Variants in KAT2B observed in about 807,000 individuals in gnomAD.
KAT2B encodes lysine acetyltransferase 2B, also known as histone acetyltransferase KAT2B.
A neutral mutation model predicts 105.9 loss-of-function variants in KAT2B; 36 were observed. The observed-to-expected ratio is 0.34, with a 90% CI of 0.26 to 0.45. KAT2B has a LOEUF of 0.45. Ranked by LOEUF, KAT2B falls within the 20% of genes least tolerant of loss-of-function variation. The pLI is 1.00. For synonymous variants in KAT2B, 397 were observed against 377.9 expected, an observed-to-expected ratio of 1.05 and a Z score of -0.59; for missense variants, 820 against 1,021.6, an observed-to-expected ratio of 0.80 and a Z score of 2.69.
chr3:20,050,456 A>G (rs1697897397), intron 1 of KAT2B, among the ~76,000 whole-genome samples: 1 of 152,050 alleles, frequency 6.6e-6, no homozygotes, highest in South Asian at 2.1e-4. Context: ...ACTCCTGGTA[A>G]TCCTTATTCT....
chr3:20,131,887 A>G (rs937797416), intron 11 of KAT2B, among the ~76,000 whole-genome samples: 1 of 152,170 alleles, frequency 6.6e-6, no homozygotes, highest in Non-Finnish European at 1.5e-5. Context: ...TTAAGTATTT[A>G]TTTACTATAT....
intron 1 of KAT2B, among the ~76,000 whole-genome samples, chr3:20,043,365 G>A (rs1351708708): frequency 6.6e-6 from 1 of 152,208 alleles, no homozygotes; most frequent in Non-Finnish European, 1.5e-5. Flanking sequence ...GTGTATGCAT[G>A]TGTTGGGGGC....
In KAT2B at chr3:20,140,259, T is replaced by C. The variant is rs1699673891; in HGVS notation, c.1899T>C (p.Tyr633=). 2 of 1,611,146 alleles carry C rather than the reference T, an allele frequency of 1.2e-6. No individual in the cohort carries two copies. The highest frequency in any genetic ancestry group is 1.3e-5 in the African/African-American group (1 of 74,982). ...SKEIKIPKTK[Y]VGYIKDYEGA... is the part of the protein sequence containing the mutation. ...AAATTAAAATACCTAAAACCAAATA[T>C]GTTGGCTATATCAAGGATTATGAAG... The change falls in exon 13 of 18, where the codon TAT becomes TAC. Residue 633 remains tyrosine, a synonymous_variant. Coordinates refer to ENST00000263754, the MANE Select transcript of KAT2B (RefSeq NM_003884.5).
At chr3:20,052,282 G>C (rs1164989600) in intron 1 of KAT2B, among the ~76,000 whole-genome samples, 3 of 152,108 alleles carry the variant, frequency 2.0e-5, no homozygotes, top group Admixed American at 6.6e-5. Flanking sequence ...TGGAAATTAT[G>C]TTTTAAAAAA....
At chr3:20,074,835 T>C (rs1432542642) in intron 2 of KAT2B, among the ~76,000 whole-genome samples, 2 of 152,228 alleles carry the variant, frequency 1.3e-5, no homozygotes, top group East Asian at 3.8e-4. Flanking sequence ...TGGAGGAGCT[T>C]GTGCCTGTTA....
In KAT2B at chr3:20,051,282, G is replaced by C. The variant is rs146329886; in HGVS notation, c.303+10502G>C. Among the ~76,000 whole-genome samples, 499 of 151,914 alleles carry C rather than the reference G, an allele frequency of 3.3e-3. 1 individual carries two copies. Among genetic ancestry groups the C allele is most frequent in the Non-Finnish European group, 4.7e-3 (322 of 67,970 alleles). The stretch of plus-strand genomic sequence containing the variant: ...TAGATGTAGATAAGGAATATGAAAG[G>C]AAGAGAGGTAGAATGATAAGGAGGT... On this transcript the variant is annotated intron_variant, in intron 1 of 17. Coordinates refer to ENST00000263754, the MANE Select transcript of KAT2B (RefSeq NM_003884.5).
intron 9 of KAT2B, among the ~76,000 whole-genome samples, chr3:20,125,639 G>A (rs1699388197): frequency 6.6e-6 from 1 of 151,008 alleles, no homozygotes; most frequent in East Asian, 2.0e-4. Flanking sequence ...AACTTTGCTG[G>A]CCCCTAATCT....
At chr3:20,046,479 A>T (rs1371581903) in intron 1 of KAT2B, among the ~76,000 whole-genome samples, 1 of 152,134 alleles carries the variant, frequency 6.6e-6, no homozygotes, top group African/African-American at 2.4e-5. Context: ...GCTACTCAGG[A>T]GGTTGAGGTG....
intron 2 of KAT2B, among the ~76,000 whole-genome samples, chr3:20,090,788 A>G (rs1286933861): frequency 1.3e-5 from 2 of 152,108 alleles, no homozygotes; most frequent in Non-Finnish European, 2.9e-5. Flanking sequence ...AGGCTGGAGT[A>G]TAGTGGCACA....
chr3:20,099,798 G>A (rs1698877128), intron 3 of KAT2B, 64 bp from the exon 4 acceptor site: 3 of 779,732 alleles, frequency 3.8e-6, no homozygotes, highest in Non-Finnish European at 6.7e-6. Context: ...AGAAGAGAGA[G>A]GAGAGAGAGA....
intron 11 of KAT2B, among the ~76,000 whole-genome samples, chr3:20,134,555 C>T (rs1345793692): frequency 6.6e-6 from 1 of 152,074 alleles, no homozygotes. Context: ...ATTACAGGCA[C>T]GTGCCACCAC....
At chr3:20,065,793 G>A (rs149314722) in intron 1 of KAT2B, among the ~76,000 whole-genome samples, 233 of 152,276 alleles carry the variant, frequency 1.5e-3, no homozygotes, top group Non-Finnish European at 2.8e-3. Flanking sequence ...GGACCACTTA[G>A]GGATGCTGAG....
At chr3:20,144,348 G>T (rs1699748062) in intron 13 of KAT2B, among the ~76,000 whole-genome samples, 1 of 136,906 alleles carries the variant, frequency 7.3e-6, no homozygotes, top group African/African-American at 2.9e-5. Context: ...GAGTGCAGTG[G>T]CATGATCTTG....
chr3:20,051,199 CAAA>C (rs61279125), intron 1 of KAT2B, among the ~76,000 whole-genome samples: 1 of 113,512 alleles, frequency 8.8e-6, no homozygotes, highest in Non-Finnish European at 1.8e-5. Flanking sequence ...TACTCTGTCT[CAAA>C]AAAAAAAAAA....
chr3:20,059,489 A>G (rs9832466), intron 1 of KAT2B, among the ~76,000 whole-genome samples: 127,938 of 148,110 alleles, frequency 0.86, 55,635 homozygotes, highest in East Asian at 0.97. Context: ...AGGCCGAGGC[A>G]GGTGGATCAC....
intron 13 of KAT2B, among the ~76,000 whole-genome samples, chr3:20,140,594 A>C (rs1003096592): frequency 2.0e-5 from 3 of 152,232 alleles, no homozygotes; most frequent in Admixed American, 6.5e-5. Flanking sequence ...GGGCCCAAGC[A>C]ATCCTCGTAC....
chr3:20,051,315 T>G (rs921969360), intron 1 of KAT2B, among the ~76,000 whole-genome samples: 1 of 151,868 alleles, frequency 6.6e-6, no homozygotes, highest in Non-Finnish European at 1.5e-5. Flanking sequence ...GGTGGGTGCA[T>G]GTGGGCTGAT....
intron 1 of KAT2B, among the ~76,000 whole-genome samples, chr3:20,062,562 A>G (rs1698156732): frequency 6.7e-6 from 1 of 149,742 alleles, no homozygotes; most frequent in Non-Finnish European, 1.5e-5. Flanking sequence ...CCTGGGTTCA[A>G]GCGATTCTCT....
chr3:20,049,080 TC>T (rs1697867664), intron 1 of KAT2B, among the ~76,000 whole-genome samples: 1 of 148,442 alleles, frequency 6.7e-6, no homozygotes, highest in Admixed American at 6.8e-5. Flanking sequence ...CAAGATGGTC[TC>T]GATTTCTTGA....
Sources: allele counts gnomAD v4.1 joint callset (sites outside exome capture counted in the v4.1 genomes callset), GRCh38; gene constraint gnomAD v4.1.1; transcripts MANE v1.5; gene names NCBI Gene and HGNC (gene_info 2026-07-23, HGNC 2026-07-21).